Variants in AMY2A observed in about 807,000 individuals in gnomAD.
AMY2A encodes the protein amylase alpha 2A.
A neutral mutation model predicts 43.0 loss-of-function variants in AMY2A; 16 were observed. The ratio of observed to expected loss-of-function variants is 0.37; its 90% CI spans 0.25 to 0.56. AMY2A has a LOEUF of 0.56. AMY2A is among the 20% of genes least tolerant of loss of function. AMY2A has a pLI of 0.77. For synonymous variants in AMY2A, 70 were observed against 144.6 expected (o/e 0.48, Z 3.70); for missense variants, 212 against 456.8 (o/e 0.46, Z 4.89).
In AMY2A at chr1:103,619,085, G is replaced by T. The variant is rs763617994; in HGVS notation, c.490G>T (p.Glu164Ter). Residue 164 changes from glutamate (E) to a stop codon, truncating the protein, a stop_gained, in exon 3 of 10, where the codon GAG (glutamate) becomes TAG (stop). Coordinates refer to ENST00000414303, the MANE Select transcript of AMY2A (RefSeq NM_000699.4). LOFTEE classifies it high-confidence loss of function. ...ATGTAAAACTGGAAGTGGAGATATC[G>T]AGAACTACAATGATGCTACTCAGGT... ...GKCKTGSGDIENYNDATQVRD... is the reference protein window; with the variant it reads ...GKCKTGSGDI The T allele has an allele frequency of 7.6e-6, 9 of 1,191,210 alleles. No individual in the cohort carries two copies. The highest frequency in any genetic ancestry group is 2.6e-5 in the East Asian group (1 of 38,992). The allele number at this position is 1,191,210 out of a possible 1,614,324, so 73.8% of individuals were successfully genotyped here. A position where few individuals can be genotyped will look rare whatever the true frequency, so the allele number is the denominator to read the frequency against.
chr1:103,618,247 T>G lies in AMY2A; in HGVS notation c.315+147T>G, dbSNP rs1156754896. On this transcript the variant is annotated intron_variant, in intron 2 of 9. Coordinates refer to ENST00000414303, the MANE Select transcript of AMY2A (RefSeq NM_000699.4). ...TTAAAACTCAAAATTAACTGTTTATTTATGTTCAACTTTTGTGAATATTTG... is the reference window on the plus strand; with the variant it reads ...TTAAAACTCAAAATTAACTGTTTATGTATGTTCAACTTTTGTGAATATTTG... 1.5e-6 allele frequency: 2 copies of G among 1,342,718 alleles called. 1 individual carries two copies. The allele number at this position is 1,342,718 out of a possible 1,614,324, so 83.2% of individuals were successfully genotyped here. A position where few individuals can be genotyped will look rare whatever the true frequency, so the allele number is the denominator to read the frequency against.
intron 3 of AMY2A, 39 bp downstream of exon 3, chr1:103,619,147 T>C: frequency 1.5e-6 from 1 of 681,064 alleles, no homozygotes; most frequent in South Asian, 2.0e-5. Context: ...AAAAGAGTAA[T>C]ATATGCCTTT....
chr1:103,617,171 C>A, upstream of AMY2A: 3 of 989,160 alleles, frequency 3.0e-6, no homozygotes, highest in South Asian at 3.6e-5. Context: ...GAACATTAGG[C>A]CCCAGCAACA....
intron 2 of AMY2A, among the ~76,000 whole-genome samples, chr1:103,618,592 C>A (rs1244979552): frequency 6.6e-6 from 1 of 150,614 alleles, no homozygotes; most frequent in South Asian, 2.1e-4. Flanking sequence ...ACTGAAATTT[C>A]CAAAACAATA....
intron 2 of AMY2A, among the ~76,000 whole-genome samples, chr1:103,618,558 G>C (rs531880038): frequency 6.6e-6 from 1 of 150,676 alleles, no homozygotes; most frequent in East Asian, 1.9e-4. Context: ...TTCATAGAGA[G>C]TACAGGCTTT....
chr1:103,617,089 A>G (rs1653096431), upstream of AMY2A: 3 of 1,006,662 alleles, frequency 3.0e-6, no homozygotes, highest in Admixed American at 4.5e-5. Context: ...TAATTTATGT[A>G]AAGTTTTTTT....
chr1:103,618,820 G>A (rs1390489395), intron 2 of AMY2A, 91 bp from the exon 3 acceptor site: 3 of 1,218,746 alleles, frequency 2.5e-6, no homozygotes, highest in African/African-American at 3.0e-5. Context: ...ATATTTTGGA[G>A]TTTTATTAAC....
chr1:103,618,901 T>C lies in AMY2A; in HGVS notation c.316-10T>C. On this transcript the variant is annotated splice_polypyrimidine_tract_variant and intron_variant, in intron 2 of 9. Coordinates refer to ENST00000414303, the MANE Select transcript of AMY2A (RefSeq NM_000699.4). The stretch of plus-strand genomic sequence containing the variant: ...GTAAGTCACACTGAAGTAGAAACTT[T>C]GTTTTCTAGGTTCGTATTTATGTGG... The C allele has an allele frequency of 1.9e-6, 2 of 1,067,718 alleles. No homozygotes were observed. 66.1% of individuals were successfully genotyped at this position (1,067,718 alleles called of 1,614,324 possible). A position where few individuals can be genotyped will look rare whatever the true frequency, so the allele number is the denominator to read the frequency against.
In AMY2A at chr1:103,617,965, A is replaced by G. The variant is rs1356336993; in HGVS notation, c.180A>G (p.Pro60=). 1.2e-6 allele frequency: 2 copies of G among 1,600,676 alleles called. No homozygotes were observed. ...TGTTTAATTTGTAGGTCTCTCCACC[A>G]AATGAAAATGTTGCAATTTACAACC... ...KGFGGVQVSP[P]NENVAIYNPF... The change falls in exon 2 of 10, where the codon CCA becomes CCG. Residue 60 remains proline, a synonymous_variant. Coordinates refer to ENST00000414303, the MANE Select transcript of AMY2A (RefSeq NM_000699.4).
chr1:103,618,728 C>A (rs931436486), intron 2 of AMY2A, among the ~76,000 whole-genome samples, 183 bp from the exon 3 acceptor site: 4 of 150,492 alleles, frequency 2.7e-5, no homozygotes, highest in Admixed American at 2.7e-4. Context: ...GTCTAGAAGG[C>A]ATGTAGGTGT....
intron 4 of AMY2A, 106 bp downstream of exon 4, chr1:103,619,890 T>C: frequency 6.6e-7 from 1 of 1,509,304 alleles, no homozygotes; most frequent in Non-Finnish European, 9.1e-7. Context: ...ATGAGACATT[T>C]ACATAAAACA....
At chr1:103,618,224 A>G in intron 2 of AMY2A, 124 bp downstream of exon 2, 2 of 1,410,856 alleles carry the variant, frequency 1.4e-6, no homozygotes, top group Non-Finnish European at 1.9e-6. Flanking sequence ...TTCATAATTT[A>G]AAACTCAAAA....
intron 2 of AMY2A, among the ~76,000 whole-genome samples, chr1:103,618,579 C>A (rs543796826): frequency 2.0e-5 from 3 of 150,730 alleles, no homozygotes; most frequent in African/African-American, 4.8e-5. Flanking sequence ...CTCCTGGTGA[C>A]CCACTGAAAT....
At position 103,617,553 on chromosome 1, in the gene AMY2A, A is replaced by G; in HGVS notation, c.113A>G (p.Asp38Gly). 1.2e-6 allele frequency: 2 copies of G among 1,600,876 alleles called. No homozygotes were observed. The highest frequency in any genetic ancestry group is 1.7e-6 in the Non-Finnish European group (2 of 1,170,868). Reference protein sequence around the residue: ...IVHLFEWRWVDIALECERYLA... With the variant: ...IVHLFEWRWVGIALECERYLA... ...CATCTGTTTGAATGGCGATGGGTTG[A>G]TATTGCTCTTGAATGTGAGCGATAT... The change falls in exon 1 of 10, where the codon GAT (aspartate) becomes GGT (glycine). Residue 38 changes from aspartate (D) to glycine (G), a missense_variant. Transcript: ENST00000414303.
chr1:103,625,025 C>T (rs1653282954), intron 9 of AMY2A, among the ~76,000 whole-genome samples: 1 of 127,386 alleles, frequency 7.9e-6, no homozygotes, highest in African/African-American at 3.2e-5. Context: ...CCAAAAAAGC[C>T]CATGTCTAGT....
chr1:103,617,278 G>A (rs947913372), upstream of AMY2A: 35 of 1,382,366 alleles, frequency 2.5e-5, no homozygotes, highest in Admixed American at 1.7e-4. Flanking sequence ...GAGACTTTTT[G>A]ATGTTCTTTA....
rs369252607 is a variant in AMY2A at position 103,617,524 on chromosome 1, T to C, written c.84T>C (p.Ile28=). Residue 28 remains isoleucine, a synonymous_variant, in exon 1 of 10, where the codon ATT becomes ATC. Coordinates refer to ENST00000414303, the MANE Select transcript of AMY2A (RefSeq NM_000699.4). ...SPNTQQGRTS[I]VHLFEWRWVD... ...ATACACAACAAGGACGGACATCTAT[T>C]GTTCATCTGTTTGAATGGCGATGGG... 46 of 1,600,860 alleles carry C rather than the reference T, an allele frequency of 2.9e-5. 1 individual carries two copies. In the African/African-American group the frequency reaches 3.5e-4, roughly 12 times the overall value.
Position 103,617,628 on chromosome 1 carries a change from T to C in AMY2A, c.168+20T>C. 1.2e-6 allele frequency: 2 copies of C among 1,601,060 alleles called. No homozygotes were observed. The highest frequency in any genetic ancestry group is 1.7e-6 in the Non-Finnish European group (2 of 1,170,944). ...GTTCAGGTGGGTATGATTCATAGTA[T>C]CAATTGCGGAATTCACTGTGCTTGT... is the stretch of plus-strand genomic sequence containing the variant. On this transcript the variant is annotated intron_variant, in intron 1 of 9. Transcript: ENST00000414303.
Position 103,617,553 on chromosome 1 carries a change from A to C in AMY2A, c.113A>C (p.Asp38Ala), listed in dbSNP as rs1267450005. 9.4e-6 allele frequency: 15 copies of C among 1,600,754 alleles called. 2 individuals are homozygous for C. Among genetic ancestry groups the C allele is most frequent in the Non-Finnish European group, 1.3e-5 (15 of 1,170,874 alleles). Residue 38 changes from aspartate (D) to alanine (A), a missense_variant, in exon 1 of 10, where the codon GAT (aspartate) becomes GCT (alanine). By Grantham distance (126) the Asp-to-Ala change is moderately radical. Coordinates refer to ENST00000414303, the MANE Select transcript of AMY2A (RefSeq NM_000699.4). Reference sequence around the variant, plus strand: ...CATCTGTTTGAATGGCGATGGGTTGATATTGCTCTTGAATGTGAGCGATAT... The same window carrying C: ...CATCTGTTTGAATGGCGATGGGTTGCTATTGCTCTTGAATGTGAGCGATAT... ...IVHLFEWRWV[D>A]IALECERYLA...
Sources: allele counts gnomAD v4.1 joint callset (sites outside exome capture counted in the v4.1 genomes callset), GRCh38; gene constraint gnomAD v4.1.1; transcripts MANE v1.5; gene names NCBI Gene and HGNC (gene_info 2026-07-23, HGNC 2026-07-21).